Variants in TERF1 observed in about 807,000 individuals in gnomAD.
TERF1 encodes telomeric repeat binding factor 1.
TERF1 carries 20 observed loss-of-function variants against 55.1 expected under a neutral mutation model. That is an observed-to-expected ratio of 0.36 (90% confidence interval 0.26 to 0.53). The LOEUF (loss-of-function observed/expected upper bound fraction) is 0.53, where lower values mean the gene tolerates loss of function less well. Ranked by LOEUF, TERF1 falls within the 20% of genes least tolerant of loss-of-function variation. The pLI is 0.91. For synonymous variants in TERF1, 168 were observed against 181.2 expected (o/e 0.93, Z 0.59); for missense variants, 439 against 535.7 (o/e 0.82, Z 1.78).
intron 9 of TERF1, among the ~76,000 whole-genome samples, chr8:73,040,316 CA>C (rs1377275063): frequency 6.6e-6 from 1 of 152,152 alleles, no homozygotes; most frequent in Non-Finnish European, 1.5e-5. Context: ...AGATGGCACA[CA>C]CTTCCTGAGA....
At chr8:73,016,545 G>A (rs1486725137) in intron 2 of TERF1, among the ~76,000 whole-genome samples, 1 of 150,874 alleles carries the variant, frequency 6.6e-6, no homozygotes, top group African/African-American at 2.4e-5. Flanking sequence ...TGATCCTCCT[G>A]CCTCAGCCTC....
chr8:73,024,115 A>G (rs1454757692), intron 4 of TERF1, among the ~76,000 whole-genome samples: 3 of 152,234 alleles, frequency 2.0e-5, no homozygotes, highest in Admixed American at 6.5e-5. Flanking sequence ...ACTGTCCAAG[A>G]AAAACACATA....
intron 4 of TERF1, among the ~76,000 whole-genome samples, chr8:73,023,576 AC>A (rs1287898311): frequency 6.6e-6 from 1 of 152,046 alleles, no homozygotes; most frequent in East Asian, 1.9e-4. Context: ...TGGGTTTTCT[AC>A]CCTTAATATT....
At chr8:73,023,311 A>G (rs1226068037) in intron 4 of TERF1, among the ~76,000 whole-genome samples, 1 of 152,222 alleles carries the variant, frequency 6.6e-6, no homozygotes, top group Non-Finnish European at 1.5e-5. Context: ...TTTTCATTTT[A>G]GCCATTCAGG....
rs1810111547 is a variant in TERF1, at chr8:73,048,073, A to G, written c.*1936A>G. The stretch of plus-strand genomic sequence containing the variant: ...TATCACATAACTTGTGGATACAAAA[A>G]AAGAGAAATTGTAAGCAAAATAAGT... On this transcript the variant is annotated 3_prime_UTR_variant, in exon 10 of 10. Coordinates refer to ENST00000276603, the MANE Select transcript of TERF1 (RefSeq NM_017489.3). 2 of 152,180 alleles carry G rather than the reference A, an allele frequency of 1.3e-5. No homozygotes were observed. The highest frequency in any genetic ancestry group is 4.1e-4 in the South Asian group (2 of 4,834). 9.4% of individuals were successfully genotyped at this position (152,180 alleles called of 1,614,324 possible).
chr8:73,021,460 G>C (rs56384556), intron 3 of TERF1, among the ~76,000 whole-genome samples: 114 of 152,278 alleles, frequency 7.5e-4, no homozygotes, highest in Middle Eastern at 6.8e-3. Context: ...TAGGCTGCTA[G>C]AGAAAGCAAG....
chr8:73,041,127 A>C (rs1321528290), intron 9 of TERF1, among the ~76,000 whole-genome samples: 1 of 152,086 alleles, frequency 6.6e-6, no homozygotes. Flanking sequence ...GTCTCTTCAG[A>C]CTGTGTTTTT....
chr8:73,038,035 A>G (rs1809676686), intron 8 of TERF1, among the ~76,000 whole-genome samples: 1 of 147,436 alleles, frequency 6.8e-6, no homozygotes, highest in African/African-American at 2.5e-5. Context: ...GAAGGCCAGC[A>G]GTAGGTAGGT....
At chr8:73,044,414 A>G (rs1303368678) in intron 9 of TERF1, among the ~76,000 whole-genome samples, 1 of 152,166 alleles carries the variant, frequency 6.6e-6, no homozygotes, top group Non-Finnish European at 1.5e-5. Flanking sequence ...GTCACTGCCA[A>G]CTTTTTGGTA....
At chr8:73,041,683 ATGGGGAGTATTTCTAAT>A (rs1244264881) in intron 9 of TERF1, among the ~76,000 whole-genome samples, 2 of 152,158 alleles carry the variant, frequency 1.3e-5, no homozygotes, top group East Asian at 1.9e-4. Flanking sequence ...TTATTTTGAA[ATGGGGAGTATTTCTAAT>A]TGGGGAGTAT....
At chr8:73,037,674 T>TA (rs1809609835) in intron 8 of TERF1, among the ~76,000 whole-genome samples, 2 of 71,926 alleles carry the variant, frequency 2.8e-5, no homozygotes, top group Non-Finnish European at 4.8e-5. Flanking sequence ...AATATTATAT[T>TA]ATATATAATA....
chr8:73,008,907 A>C lies in TERF1; in HGVS notation c.21A>C (p.Ser7=), dbSNP rs768791939. 6.2e-7 allele frequency: 1 copy of C among 1,609,012 alleles called. No homozygotes were observed. The highest frequency in any genetic ancestry group is 1.1e-5 in the South Asian group (1 of 89,942). ...TTAACATGGCGGAGGATGTTTCCTC[A>C]GCGGCCCCGAGCCCGCGGGGCTGTG... MAEDVS[S]AAPSPRGCAD... Residue 7 remains serine, a synonymous_variant, in exon 1 of 10, where the codon TCA becomes TCC. Coordinates refer to ENST00000276603, the MANE Select transcript of TERF1 (RefSeq NM_017489.3).
At chr8:73,035,964 A>AG (rs1264308223) in intron 8 of TERF1, among the ~76,000 whole-genome samples, 1 of 152,220 alleles carries the variant, frequency 6.6e-6, no homozygotes, top group African/African-American at 2.4e-5. Flanking sequence ...TAGATACAAA[A>AG]GGTAGACAAC....
At chr8:73,024,758 C>A in intron 4 of TERF1, 64 bp from the exon 5 acceptor site, 2 of 1,170,726 alleles carry the variant, frequency 1.7e-6, no homozygotes, top group African/African-American at 1.6e-5. Flanking sequence ...TAATATGTGA[C>A]AAAAATCGTT....
intron 2 of TERF1, among the ~76,000 whole-genome samples, chr8:73,017,967 C>T (rs527519567): frequency 6.6e-6 from 1 of 152,202 alleles, no homozygotes; most frequent in Admixed American, 6.5e-5. Flanking sequence ...CCTTGGCCTC[C>T]CAAAGTGCTG....
At chr8:73,031,319 A>C (rs1221304086) in intron 7 of TERF1, 1 of 152,236 alleles carries the variant, frequency 6.6e-6, no homozygotes, top group Non-Finnish European at 1.5e-5. Context: ...GAAGAGATTG[A>C]GAATGACATT....
intron 4 of TERF1, among the ~76,000 whole-genome samples, chr8:73,024,029 A>G (rs1471918246): frequency 6.6e-6 from 1 of 152,234 alleles, no homozygotes; most frequent in African/African-American, 2.4e-5. Flanking sequence ...TTCCTGAGAC[A>G]GTTGCTCTGG....
At chr8:73,023,188 T>C (rs1188515054) in intron 4 of TERF1, among the ~76,000 whole-genome samples, 1 of 152,224 alleles carries the variant, frequency 6.6e-6, no homozygotes, top group African/African-American at 2.4e-5. Flanking sequence ...AGTCATAAGA[T>C]GTGTACATAC....
chr8:73,027,395 A>G (rs1381040555), intron 6 of TERF1, among the ~76,000 whole-genome samples: 1 of 152,202 alleles, frequency 6.6e-6, no homozygotes, highest in African/African-American at 2.4e-5. Context: ...TCACTGTACT[A>G]AGAGTCTAGT....
Sources: allele counts gnomAD v4.1 joint callset (sites outside exome capture counted in the v4.1 genomes callset), GRCh38; gene constraint gnomAD v4.1.1; transcripts MANE v1.5; gene names NCBI Gene and HGNC (gene_info 2026-07-23, HGNC 2026-07-21).